The following PIK3C2G variants were observed in gnomAD, a reference collection of about 807,000 sequenced individuals.
The protein encoded by PIK3C2G is phosphatidylinositol 3-kinase C2 domain-containing subunit gamma.
PIK3C2G carries 168 observed loss-of-function variants against 181.1 expected under a neutral mutation model. That is an observed-to-expected ratio of 0.93 (90% CI 0.82 to 1.05). PIK3C2G has a LOEUF of 1.05. PIK3C2G is among the 50% of genes least tolerant of loss of function. The pLI, the probability that PIK3C2G is intolerant of heterozygous loss-of-function variation, is 0.00. For missense variants in PIK3C2G, 1,869 were observed against 1,732.8 expected, an observed-to-expected ratio of 1.08 and a Z score of -1.40; for synonymous variants, 573 against 592.2, an observed-to-expected ratio of 0.97 and a Z score of 0.47.
intron 24 of PIK3C2G, among the ~76,000 whole-genome samples, chr12:18,527,849 T>C (rs1223923029): frequency 6.6e-6 from 1 of 152,160 alleles, no homozygotes; most frequent in African/African-American, 2.4e-5. Context: ...GATGCTGTAT[T>C]TGAGCCTGAG....
chr12:18,253,149 A>C (rs1296081111), intron 1 of PIK3C2G, among the ~76,000 whole-genome samples: 1 of 152,222 alleles, frequency 6.6e-6, no homozygotes, highest in African/African-American at 2.4e-5. Flanking sequence ...TTTTTTAAAG[A>C]GAACATTTTT....
At chr12:18,403,664 C>G (rs182133528) in intron 16 of PIK3C2G, among the ~76,000 whole-genome samples, 2 of 152,072 alleles carry the variant, frequency 1.3e-5, no homozygotes, top group Admixed American at 6.6e-5. Context: ...TTCACCATCT[C>G]CTTTTACTTT....
chr12:18,472,869 T>A (rs1184537732), intron 18 of PIK3C2G, among the ~76,000 whole-genome samples: 9 of 152,040 alleles, frequency 5.9e-5, no homozygotes, highest in African/African-American at 2.2e-4. Context: ...CCAGCTAATT[T>A]TTGTATTTTT....
chr12:18,350,011 A>C (rs1470893225), intron 11 of PIK3C2G, among the ~76,000 whole-genome samples: 1 of 152,138 alleles, frequency 6.6e-6, no homozygotes, highest in African/African-American at 2.4e-5. Context: ...GTTATTACTG[A>C]GGGCAAAAAT....
intron 11 of PIK3C2G, among the ~76,000 whole-genome samples, chr12:18,352,316 G>A (rs1940293711): frequency 6.6e-6 from 1 of 152,204 alleles, no homozygotes; most frequent in South Asian, 2.1e-4. Flanking sequence ...TACTAGAGTT[G>A]ATTCTGAAAC....
chr12:18,424,495 T>C (rs11044101), intron 18 of PIK3C2G, among the ~76,000 whole-genome samples: 22,414 of 152,218 alleles, frequency 0.15, 2,091 homozygotes, highest in South Asian at 0.37. Context: ...CACTAAACTT[T>C]TCCCAAAGCA....
rs11044036 is a variant in PIK3C2G at position 18,346,227 on chromosome 12, A to T, written c.1430-414A>T. 4.1e-3 allele frequency among the ~76,000 whole-genome samples: 631 copies of T among 152,308 alleles called. 1 individual carries two copies. The highest frequency in any genetic ancestry group is 0.014 in the African/African-American group (593 of 41,560). ...AATAGTAAACATGATAGCATCATCA[A>T]ATTTATTATGATTAATTCTTTAGAT... On this transcript the variant is annotated intron_variant, in intron 10 of 32. Transcript: ENST00000538779.
At chr12:18,688,158 C>T in the PIK3C2G span, 1 of 1,611,282 alleles carries the variant, frequency 6.2e-7, no homozygotes, top group Non-Finnish European at 8.5e-7. Flanking sequence ...TCTATAATTA[C>T]TAATGAATCA....
intron 3 of PIK3C2G, among the ~76,000 whole-genome samples, chr12:18,287,221 T>C (rs914716567): frequency 5.9e-5 from 9 of 152,174 alleles, no homozygotes; most frequent in Non-Finnish European, 1.3e-4. Context: ...AGTGAATTTT[T>C]TTTTTTGTTT....
At chr12:18,315,799 T>C (rs1950834912) in intron 6 of PIK3C2G, among the ~76,000 whole-genome samples, 2 of 152,200 alleles carry the variant, frequency 1.3e-5, no homozygotes, top group South Asian at 4.1e-4. Flanking sequence ...CCAACTTAAA[T>C]GGGAAATATA....
At chr12:18,279,894 C>G (rs1949139057) in intron 1 of PIK3C2G, among the ~76,000 whole-genome samples, 1 of 151,934 alleles carries the variant, frequency 6.6e-6, no homozygotes, top group Non-Finnish European at 1.5e-5. Context: ...AGTTCAGTTA[C>G]TTTACTGAAT....
At chr12:18,333,090 T>C (rs1308751839) in intron 8 of PIK3C2G, among the ~76,000 whole-genome samples, 1 of 152,178 alleles carries the variant, frequency 6.6e-6, no homozygotes, top group Non-Finnish European at 1.5e-5. Context: ...TGACCATCTC[T>C]TTCTCCTGTG....
rs1938767963 is a variant in PIK3C2G, at chr12:18,338,493, A to C, written c.1340A>C (p.Lys447Thr). ...ICSVLGCVET[K>T]QITDAVNELS... Reference sequence around the variant, plus strand: ...AGTGTTCTAGGGTGTGTGGAAACCAAACAAATTACAGATGCAGTAAATGAA... The same window carrying C: ...AGTGTTCTAGGGTGTGTGGAAACCACACAAATTACAGATGCAGTAAATGAA... Residue 447 changes from lysine (K) to threonine (T), a missense_variant, in exon 9 of 33, where the codon AAA becomes ACA. By Grantham distance (78) the Lys-to-Thr change is moderately conservative. Coordinates refer to ENST00000538779, the MANE Select transcript of PIK3C2G (RefSeq NM_001288772.2). 1 of 1,587,932 alleles carries C rather than the reference A, an allele frequency of 6.3e-7. No individual in the cohort carries two copies. The highest frequency in any genetic ancestry group is 8.6e-7 in the Non-Finnish European group (1 of 1,156,582).
intron 25 of PIK3C2G, among the ~76,000 whole-genome samples, chr12:18,545,289 T>C (rs916668288): frequency 1.2e-4 from 18 of 151,954 alleles, no homozygotes; most frequent in Admixed American, 1.2e-3. Flanking sequence ...TGGGTGGGGA[T>C]GGTGGGAAAA....
intron 24 of PIK3C2G, among the ~76,000 whole-genome samples, chr12:18,531,113 G>C (rs1247720570): frequency 6.6e-6 from 1 of 151,544 alleles, no homozygotes; most frequent in African/African-American, 2.4e-5. Flanking sequence ...TCCCTTTCTT[G>C]ATATCTAATT....
At chr12:18,375,710 G>A (rs901048517) in intron 13 of PIK3C2G, among the ~76,000 whole-genome samples, 3 of 152,218 alleles carry the variant, frequency 2.0e-5, no homozygotes, top group African/African-American at 7.2e-5. Flanking sequence ...GATATTCCAG[G>A]CAGCACCTCC....
intron 18 of PIK3C2G, among the ~76,000 whole-genome samples, chr12:18,475,705 T>A (rs56384022): frequency 0.014 from 2,136 of 152,240 alleles, 61 homozygotes; most frequent in African/African-American, 0.049. Flanking sequence ...TTAAGTTTAA[T>A]CAGTTTGTAA....
intron 31 of PIK3C2G, among the ~76,000 whole-genome samples, chr12:18,632,326 G>A (rs986673433): frequency 2.0e-5 from 3 of 152,012 alleles, no homozygotes; most frequent in Non-Finnish European, 4.4e-5. Flanking sequence ...ACATTACATG[G>A]TATATTATTT....
chr12:18,394,367 G>A (rs1390374076), intron 15 of PIK3C2G, among the ~76,000 whole-genome samples: 5 of 152,058 alleles, frequency 3.3e-5, no homozygotes, highest in African/African-American at 4.8e-5. Flanking sequence ...TTTTCTAAAT[G>A]TCTAGCATAT....
Sources: gnomAD v4.1 joint callset for allele counts (sites outside exome capture counted in the v4.1 genomes callset) on GRCh38, gnomAD v4.1.1 for gene constraint, MANE v1.5 for transcripts, NCBI Gene and HGNC (gene_info 2026-07-23, HGNC 2026-07-21) for gene names.